The following SMARCB1 variants were observed in gnomAD, a reference collection of about 807,000 sequenced individuals.
SMARCB1 encodes the protein SWI/SNF related BAF chromatin remodeling complex subunit B1, also known as SWI/SNF-related matrix-associated actin-dependent regulator of chromatin subfamily B member 1.
SMARCB1 carries 5 observed loss-of-function variants against 49.0 expected under a neutral mutation model. The observed-to-expected ratio is 0.10, with a 90% confidence interval of 0.05 to 0.21. The LOEUF (loss-of-function observed/expected upper bound fraction) is 0.21, where lower values mean the gene tolerates loss of function less well. SMARCB1 is among the 10% of genes least tolerant of loss of function. The pLI is 1.00. For synonymous variants in SMARCB1, 201 were observed against 200.1 expected (o/e 1.00, Z -0.04); for missense variants, 226 against 509.2 (o/e 0.44, Z 5.35).
At chr22:23,824,214 C>T (rs5996618) in intron 6 of SMARCB1, 15,857 of 152,212 alleles carry the variant, frequency 0.1, 2,530 homozygotes, top group African/African-American at 0.34. Context: ...ACCCTAATCT[C>T]TAAAAGGAGG....
rs374387452 is a variant in SMARCB1, at chr22:23,811,062, A to AAAG, written c.629-5706_629-5704dup. 1.6e-3 allele frequency among the ~76,000 whole-genome samples: 244 copies of AAAG among 151,992 alleles called. 1 individual carries two copies. Among genetic ancestry groups the AAAG allele is most frequent in the African/African-American group, 5.7e-3 (237 of 41,474 alleles). ...AAAAAAAAAAAAAAAAAAGATGGAT[A>AAAG]AAGATAAAACGTTAATCAAAGGAAA... On this transcript the variant is annotated intron_variant, in intron 5 of 8. Transcript: ENST00000644036.
At chr22:23,811,430 C>T (rs1417374343) in intron 5 of SMARCB1, among the ~76,000 whole-genome samples, 1 of 152,124 alleles carries the variant, frequency 6.6e-6, no homozygotes, top group Non-Finnish European at 1.5e-5. Flanking sequence ...CCAGCACAGC[C>T]GAATGCACAT....
At chr22:23,825,930 G>C (rs2030359394) in intron 7 of SMARCB1, 1 of 161,520 alleles carries the variant, frequency 6.2e-6, no homozygotes, top group African/African-American at 2.4e-5. Flanking sequence ...TGAGTACCAT[G>C]CTGGGCTGGA....
At chr22:23,800,387 G>C (rs1299179455) in intron 3 of SMARCB1, among the ~76,000 whole-genome samples, 2 of 152,210 alleles carry the variant, frequency 1.3e-5, no homozygotes, top group Admixed American at 6.5e-5. Context: ...TCCATCTCAG[G>C]ATGGCTGGTA....
chr22:23,836,290 A>G lies in SMARCB1; in HGVS notation c.*2110A>G. On this transcript the variant is annotated 3_prime_UTR_variant, in exon 9 of 9. Transcript: ENST00000644036. Reference sequence around the variant, plus strand: ...GGCATCACCAGATGAAAAATGAGGCATACGCCCACCTGTCAGGGTGGCTGA... The same window carrying G: ...GGCATCACCAGATGAAAAATGAGGCGTACGCCCACCTGTCAGGGTGGCTGA... The G allele has an allele frequency of 1.0e-6, 1 of 985,492 alleles. No homozygotes were observed. The highest frequency in any genetic ancestry group is 1.2e-6 in the Non-Finnish European group (1 of 829,940). The allele number at this position is 985,492 out of a possible 1,614,324, so 61.0% of individuals were successfully genotyped here. A position where few individuals can be genotyped will look rare whatever the true frequency, so the allele number is the denominator to read the frequency against.
chr22:23,804,957 G>C (rs1354595686), intron 5 of SMARCB1, among the ~76,000 whole-genome samples: 4 of 152,226 alleles, frequency 2.6e-5, no homozygotes, highest in African/African-American at 9.7e-5. Context: ...CGTAGTTGCA[G>C]CATTTTTCTC....
intron 1 of SMARCB1, among the ~76,000 whole-genome samples, chr22:23,790,374 GATT>G (rs1928301012): frequency 6.6e-6 from 1 of 152,086 alleles, no homozygotes; most frequent in South Asian, 2.1e-4. Context: ...CCTGGTTGTT[GATT>G]ACAGTCACTG....
rs116921827 is a variant in SMARCB1 at position 23,802,657 on chromosome 22, C to G, written c.501-638C>G. The G allele has an allele frequency of 7.7e-4, 131 of 169,264 alleles. 2 individuals are homozygous for G. In the East Asian group the frequency reaches 0.017, roughly 22 times the overall value. 10.5% of individuals were successfully genotyped at this position (169,264 alleles called of 1,614,324 possible). A position where few individuals can be genotyped will look rare whatever the true frequency, so the allele number is the denominator to read the frequency against. On this transcript the variant is annotated intron_variant, in intron 4 of 8. Transcript: ENST00000644036. ...GGCCTTTCGCAGCCCTCTCCATGCTCCCAGACGCCCTTAGGTGTCCTGTGT... is the reference window on the plus strand; with the variant it reads ...GGCCTTTCGCAGCCCTCTCCATGCTGCCAGACGCCCTTAGGTGTCCTGTGT...
intron 6 of SMARCB1, among the ~76,000 whole-genome samples, chr22:23,820,210 G>A (rs1305110070): frequency 6.6e-6 from 1 of 152,016 alleles, no homozygotes; most frequent in African/African-American, 2.4e-5. Context: ...AGTATTTTTT[G>A]TCTGACTTAG....
chr22:23,837,994 GAC>G lies in SMARCB1; in HGVS notation c.*3819_*3820del. ...CAAGATGAGCCAGTCCAATAAAGGC[GAC>G]ACACTCCACGGGCTTCAGGTCCCAC... is the stretch of plus-strand genomic sequence containing the variant. On this transcript the variant is annotated 3_prime_UTR_variant, in exon 9 of 9. Coordinates refer to ENST00000644036, the MANE Select transcript of SMARCB1 (RefSeq NM_003073.5). 1 of 1,237,916 alleles carries G rather than the reference GAC, an allele frequency of 8.1e-7. No individual in the cohort carries two copies. The highest frequency in any genetic ancestry group is 2.6e-5 in the Admixed American group (1 of 38,034). The allele number at this position is 1,237,916 out of a possible 1,614,324, so 76.7% of individuals were successfully genotyped here.
At chr22:23,808,994 G>A (rs9612439) in intron 5 of SMARCB1, among the ~76,000 whole-genome samples, 1,695 of 151,252 alleles carry the variant, frequency 0.011, 20 homozygotes, top group African/African-American at 0.037. Context: ...CACTGTGCTC[G>A]GCCAATTTTT....
In SMARCB1 at chr22:23,789,416, A is replaced by T. The variant is rs79238171; in HGVS notation, c.93+2154A>T. Among the ~76,000 whole-genome samples, 902 of 152,336 alleles carry T rather than the reference A, an allele frequency of 5.9e-3. 10 individuals are homozygous for T. Among genetic ancestry groups the T allele is most frequent in the African/African-American group, 0.018 (766 of 41,578 alleles). ...TAATCAGTTTGGCTCTAAGTAGGTG[A>T]CACTTCAAAAGAAAGCTTTCATTTA... is the stretch of plus-strand genomic sequence containing the variant. On this transcript the variant is annotated intron_variant, in intron 1 of 8. Transcript: ENST00000644036.
At chr22:23,826,187 G>A (rs922439243) in intron 7 of SMARCB1, 2 of 151,854 alleles carry the variant, frequency 1.3e-5, no homozygotes, top group Admixed American at 1.3e-4. Context: ...GCGGAGCTGA[G>A]GTGGATCACC....
At position 23,834,213 on chromosome 22, in the gene SMARCB1, T is replaced by C. The variant is rs11541580; in HGVS notation, c.*33T>C. On this transcript the variant is annotated 3_prime_UTR_variant, in exon 9 of 9. Coordinates refer to ENST00000644036, the MANE Select transcript of SMARCB1 (RefSeq NM_003073.5). ...ATCAGCACACGGCTCCCACGGAGCA[T>C]CTCAGAAGATTGGGCCGCCTCTCCT... 2 of 1,566,840 alleles carry C rather than the reference T, an allele frequency of 1.3e-6. No homozygotes were observed. The highest frequency in any genetic ancestry group is 2.3e-5 in the South Asian group (2 of 85,360).
chr22:23,819,238 G>T (rs6003892), intron 6 of SMARCB1, among the ~76,000 whole-genome samples: 15,853 of 152,208 alleles, frequency 0.1, 2,530 homozygotes, highest in African/African-American at 0.34. Flanking sequence ...AGACACTTGG[G>T]TTGCTTCCAC....
chr22:23,837,679 G>A lies in SMARCB1; in HGVS notation c.*3499G>A. 6.2e-7 allele frequency: 1 copy of A among 1,613,664 alleles called. No individual in the cohort carries two copies. Among genetic ancestry groups the A allele is most frequent in the Non-Finnish European group, 8.5e-7 (1 of 1,179,834 alleles). ...CTCACCCAGCAGGTCCACGAGGATG[G>A]AGTTGCCCAGCAGCAGCGAGAAGCC... On this transcript the variant is annotated 3_prime_UTR_variant, in exon 9 of 9. Coordinates refer to ENST00000644036, the MANE Select transcript of SMARCB1 (RefSeq NM_003073.5).
At chr22:23,799,105 T>C (rs932315738) in intron 3 of SMARCB1, among the ~76,000 whole-genome samples, 2 of 151,564 alleles carry the variant, frequency 1.3e-5, no homozygotes, top group East Asian at 1.9e-4. Flanking sequence ...TGAATAGTTA[T>C]TGTGGAAGTG....
At chr22:23,816,649 C>T (rs1333214668) in intron 5 of SMARCB1, 121 bp from the exon 6 acceptor site, 1 of 946,642 alleles carries the variant, frequency 1.1e-6, no homozygotes, top group East Asian at 2.4e-5. Flanking sequence ...ACCCCCAGTG[C>T]CCTGGTTGTC....
intron 3 of SMARCB1, among the ~76,000 whole-genome samples, chr22:23,798,215 C>T (rs1397550075): frequency 6.6e-6 from 1 of 152,174 alleles, no homozygotes; most frequent in Non-Finnish European, 1.5e-5. Context: ...GGCCCTTCCT[C>T]AGAGGTGGGA....
Sources: gnomAD v4.1 joint callset for allele counts (sites outside exome capture counted in the v4.1 genomes callset) on GRCh38, gnomAD v4.1.1 for gene constraint, MANE v1.5 for transcripts, NCBI Gene and HGNC (gene_info 2026-07-23, HGNC 2026-07-21) for gene names.